The following RTN4IP1 variants were observed in gnomAD, a reference collection of about 807,000 sequenced individuals.
The protein encoded by RTN4IP1 is NAD(P)H oxidoreductase RTN4IP1, mitochondrial.
RTN4IP1 carries 32 observed loss-of-function variants against 46.6 expected under a neutral mutation model. The observed-to-expected ratio is 0.69, with a 90% CI of 0.52 to 0.92. The LOEUF is 0.92. Among genes scored for constraint, RTN4IP1 ranks in the 40% least tolerant of loss-of-function variants. The probability of loss-of-function intolerance (pLI) is 0.00; values close to 1 mark genes in which losing one functional copy is unlikely to be tolerated. For missense variants in RTN4IP1, 424 were observed against 485.8 expected, an observed-to-expected ratio of 0.87 and a Z score of 1.20; for synonymous variants, 167 against 161.8, an observed-to-expected ratio of 1.03 and a Z score of -0.24.
At chr6:106,623,563 A>T (rs1776550259) in intron 1 of RTN4IP1, among the ~76,000 whole-genome samples, 1 of 152,220 alleles carries the variant, frequency 6.6e-6, no homozygotes, top group Non-Finnish European at 1.5e-5. Context: ...AATCAACCTT[A>T]TAATTTTTTG....
chr6:106,629,497 G>T lies in RTN4IP1; in HGVS notation c.-476C>A. ...TCTCCTTAGCCGCCGGGATGGCTTT[G>T]CGGCGCCAACCAATCGCCTACAAAG... On this transcript the variant is annotated 5_prime_UTR_variant, in exon 1 of 9. Coordinates refer to ENST00000369063, the MANE Select transcript of RTN4IP1 (RefSeq NM_032730.5). 1 of 796,530 alleles carries T rather than the reference G, an allele frequency of 1.3e-6. No individual in the cohort carries two copies. 49.3% of individuals were successfully genotyped at this position (796,530 alleles called of 1,614,324 possible).
intron 1 of RTN4IP1, among the ~76,000 whole-genome samples, chr6:106,624,946 A>AG (rs1776598638): frequency 1.5e-5 from 2 of 133,070 alleles, no homozygotes; most frequent in Non-Finnish European, 3.3e-5. Context: ...AAAAAAAAAA[A>AG]AAAAAGAAAA....
intron 1 of RTN4IP1, 48 bp downstream of exon 1, chr6:106,628,700 T>C (rs764595416): frequency 2.8e-5 from 43 of 1,539,930 alleles, no homozygotes; most frequent in Non-Finnish European, 3.7e-5. Context: ...GCATACCTTA[T>C]GAAAGTGATT....
rs1383688034 is a variant in RTN4IP1 at position 106,571,225 on chromosome 6, T to C, written c.*771A>G. 6.6e-6 allele frequency: 1 copy of C among 152,228 alleles called. No homozygotes were observed. The highest frequency in any genetic ancestry group is 6.5e-5 in the Admixed American group (1 of 15,284). The allele number at this position is 152,228 out of a possible 1,614,324, so 9.4% of individuals were successfully genotyped here. On this transcript the variant is annotated 3_prime_UTR_variant, in exon 9 of 9. Coordinates refer to ENST00000369063, the MANE Select transcript of RTN4IP1 (RefSeq NM_032730.5). ...AAATGAATCACCAGGCAGATTTTTA[T>C]ATATGACACTAAGAGATTTAGAACT...
At chr6:106,594,671 T>G (rs1036242477) in intron 5 of RTN4IP1, among the ~76,000 whole-genome samples, 4 of 152,160 alleles carry the variant, frequency 2.6e-5, no homozygotes, top group Admixed American at 2.6e-4. Flanking sequence ...TTATTCTGAT[T>G]TTTATAGTAA....
intron 4 of RTN4IP1, among the ~76,000 whole-genome samples, chr6:106,612,730 A>C (rs1437672050): frequency 2.0e-5 from 3 of 151,630 alleles, no homozygotes; most frequent in Non-Finnish European, 2.9e-5. Context: ...ACCATAACTC[A>C]TTCCGATTAC....
intron 7 of RTN4IP1, among the ~76,000 whole-genome samples, chr6:106,586,611 A>T (rs1294386485): frequency 6.6e-6 from 1 of 152,122 alleles, no homozygotes; most frequent in African/African-American, 2.4e-5. Flanking sequence ...AGACTTAAGC[A>T]ATCCTCCCAT....
intron 4 of RTN4IP1, among the ~76,000 whole-genome samples, chr6:106,605,814 CCCAAAAAAAAAAAAAAAAAAA>C: frequency 1.0e-5 from 1 of 96,706 alleles, no homozygotes; most frequent in East Asian, 3.4e-4. Flanking sequence ...AAGACTCTGT[CCCAAAAAAAAAAAAAAAAAAA>C]AAAAAAAAAG....
intron 8 of RTN4IP1, among the ~76,000 whole-genome samples, chr6:106,577,561 A>G (rs776593553): frequency 1.3e-5 from 2 of 150,602 alleles, no homozygotes; most frequent in African/African-American, 2.4e-5. Flanking sequence ...ACCTTTTTGA[A>G]GTATTTTATG....
intron 7 of RTN4IP1, among the ~76,000 whole-genome samples, chr6:106,586,640 T>C (rs1435634754): frequency 6.6e-6 from 1 of 152,198 alleles, no homozygotes; most frequent in Non-Finnish European, 1.5e-5. Context: ...CCCAAAATGA[T>C]GGGATTACAG....
intron 5 of RTN4IP1, among the ~76,000 whole-genome samples, chr6:106,593,399 T>C (rs974353925): frequency 4.6e-5 from 7 of 152,220 alleles, no homozygotes; most frequent in Admixed American, 6.5e-5. Context: ...ATAATGTTAA[T>C]TTCATAGACT....
At chr6:106,611,799 G>A (rs1317110304) in intron 4 of RTN4IP1, among the ~76,000 whole-genome samples, 1 of 152,194 alleles carries the variant, frequency 6.6e-6, no homozygotes. Context: ...CCAATTTACA[G>A]AAGAGTTTGT....
At chr6:106,595,898 T>C (rs928320370) in intron 5 of RTN4IP1, among the ~76,000 whole-genome samples, 1 of 152,186 alleles carries the variant, frequency 6.6e-6, no homozygotes, top group Non-Finnish European at 1.5e-5. Context: ...GCAAGACAAA[T>C]GCTTAACTGT....
chr6:106,577,201 C>A (rs1775249922), intron 8 of RTN4IP1, among the ~76,000 whole-genome samples: 1 of 151,962 alleles, frequency 6.6e-6, no homozygotes, highest in South Asian at 2.1e-4. Flanking sequence ...TTGGGAAGCC[C>A]AGGCAGGCAG....
chr6:106,572,136 A>G, intron 8 of RTN4IP1, 33 bp from the exon 9 acceptor site: 1 of 1,507,034 alleles, frequency 6.6e-7, no homozygotes, highest in African/African-American at 1.4e-5. Context: ...CGGTGGATAA[A>G]AAAGCCTACA....
intron 3 of RTN4IP1, among the ~76,000 whole-genome samples, chr6:106,619,893 A>G (rs776250335): frequency 1.4e-4 from 21 of 151,264 alleles, no homozygotes; most frequent in African/African-American, 4.4e-4. Flanking sequence ...TTACAGGCGT[A>G]AGCCACCGCG....
intron 4 of RTN4IP1, among the ~76,000 whole-genome samples, chr6:106,617,036 T>G (rs1299108593): frequency 2.0e-5 from 3 of 152,196 alleles, no homozygotes; most frequent in African/African-American, 4.8e-5. Context: ...CCCAGAGATA[T>G]CCTCACCCCT....
chr6:106,579,093 G>A (rs755003011), intron 8 of RTN4IP1, among the ~76,000 whole-genome samples: 2 of 151,838 alleles, frequency 1.3e-5, no homozygotes, highest in African/African-American at 2.4e-5. Context: ...AAAATTAGCC[G>A]GGCGTGGTGG....
chr6:106,572,400 G>GA (rs57501379), intron 8 of RTN4IP1: 39,172 of 311,448 alleles, frequency 0.13, 2,910 homozygotes, highest in African/African-American at 0.21. Flanking sequence ...GGCATTCGAA[G>GA]ACCAATAGCA....
Sources: gnomAD v4.1 joint callset for allele counts (sites outside exome capture counted in the v4.1 genomes callset) on GRCh38, gnomAD v4.1.1 for gene constraint, MANE v1.5 for transcripts, NCBI Gene and HGNC (gene_info 2026-07-23, HGNC 2026-07-21) for gene names.